The following BCAR3 variants were observed in gnomAD, a reference collection of about 807,000 sequenced individuals.
BCAR3 encodes BCAR3 adaptor protein, NSP family member, also known as breast cancer anti-estrogen resistance protein 3.
A neutral mutation model predicts 80.1 loss-of-function variants in BCAR3; 37 were observed. That is an observed-to-expected ratio of 0.46 (90% CI 0.36 to 0.61). The LOEUF is 0.61. Ranked by LOEUF, BCAR3 falls within the 20% of genes least tolerant of loss-of-function variation. The pLI is 0.00. For missense variants in BCAR3, 978 were observed against 1,068.2 expected, an observed-to-expected ratio of 0.92 and a Z score of 1.18; for synonymous variants, 389 against 418.9, an observed-to-expected ratio of 0.93 and a Z score of 0.87.
chr1:93,702,371 C>CT (rs1259948288), intron 3 of BCAR3, among the ~76,000 whole-genome samples: 1 of 152,208 alleles, frequency 6.6e-6, no homozygotes. Context: ...TAAAAACAAC[C>CT]TCAGCCCAAC....
At chr1:93,827,464 C>T (rs953509914) in intron 2 of BCAR3, among the ~76,000 whole-genome samples, 3 of 152,084 alleles carry the variant, frequency 2.0e-5, no homozygotes, top group Non-Finnish European at 4.4e-5. Context: ...CAGCTCCCTC[C>T]GAGAGGGCTG....
At position 93,586,840 on chromosome 1, in the gene BCAR3, G is replaced by A. The variant is rs538728620; in HGVS notation, c.929+2137C>T. Among the ~76,000 whole-genome samples the A allele has an allele frequency of 9.2e-5, 14 of 152,340 alleles. No individual in the cohort carries two copies. The highest frequency in any genetic ancestry group is 2.1e-4 in the Non-Finnish European group (14 of 68,028). On this transcript the variant is annotated intron_variant, in intron 5 of 11. Transcript: ENST00000260502. This position sits in a 1 kb window ranked among gnomAD's most constrained non-coding sequence, Gnocchi z 4.2. Reference sequence around the variant, plus strand: ...TTTCATATGCCTGTTTGCCACTGCAGTGGCATGATCTCGGCTCACTGCCTC... The same window carrying A: ...TTTCATATGCCTGTTTGCCACTGCAATGGCATGATCTCGGCTCACTGCCTC...
intron 2 of BCAR3, among the ~76,000 whole-genome samples, chr1:93,833,637 T>C (rs1161022932): frequency 6.6e-6 from 1 of 152,204 alleles, no homozygotes; most frequent in Non-Finnish European, 1.5e-5. Flanking sequence ...ATTTCTCCTA[T>C]TCACTTTTGC....
chr1:93,827,600 G>A (rs1049135218), intron 2 of BCAR3, among the ~76,000 whole-genome samples: 1 of 152,130 alleles, frequency 6.6e-6, no homozygotes, highest in Non-Finnish European at 1.5e-5. Flanking sequence ...AGTCCAGAGA[G>A]GCTGAGTTAC....
intron 3 of BCAR3, among the ~76,000 whole-genome samples, chr1:93,604,778 G>A (rs1004768397): frequency 6.6e-6 from 1 of 152,182 alleles, no homozygotes; most frequent in Non-Finnish European, 1.5e-5. Context: ...AAAACTTCGG[G>A]TAGAATTCTA....
In BCAR3 at chr1:93,823,698, G is replaced by T. The variant is rs544950961; in HGVS notation, c.-63+21869C>A. On this transcript the variant is annotated intron_variant, in intron 2 of 13. Coordinates refer to the BCAR3 transcript ENST00000370244. ...ATAGAAAAGTATCTCATTGTTTTTT[G>T]TTGTTGTTGTTATTATTTTTTGAGA... Among the ~76,000 whole-genome samples the T allele has an allele frequency of 7.4e-4, 99 of 133,854 alleles. 27 individuals are homozygous for T. The highest frequency in any genetic ancestry group is 7.8e-3 in the Middle Eastern group (2 of 256). The allele number at this position is 133,854 out of a possible 152,430, so 87.8% of individuals were successfully genotyped here.
chr1:93,723,271 C>T (rs1400063387), intron 2 of BCAR3: 3 of 152,278 alleles, frequency 2.0e-5, no homozygotes, highest in Non-Finnish European at 2.9e-5. Flanking sequence ...GGCCGAGCTG[C>T]CCTGTTGGCA....
At position 93,743,601 on chromosome 1, in the gene BCAR3, G is replaced by A. The variant is rs531346523; in HGVS notation, c.-62-37459C>T. Among the ~76,000 whole-genome samples, 4 of 152,318 alleles carry A rather than the reference G, an allele frequency of 2.6e-5. No homozygotes were observed. The South Asian group carries it at 8.3e-4, about 32-fold the overall frequency. ...AAGCGCTGATATGGTTTTTCCTTGA[G>A]ACACCTGTCTAATTTGGATCTAAGC... is the stretch of plus-strand genomic sequence containing the variant. On this transcript the variant is annotated intron_variant, in intron 2 of 13. Coordinates refer to the BCAR3 transcript ENST00000370244.
At chr1:93,618,928 T>A (rs546672878) in intron 3 of BCAR3, among the ~76,000 whole-genome samples, 7 of 151,052 alleles carry the variant, frequency 4.6e-5, no homozygotes, top group African/African-American at 1.7e-4. Context: ...CCGTGGGTTT[T>A]TTTTTTTTTT....
intron 3 of BCAR3, among the ~76,000 whole-genome samples, chr1:93,695,291 G>A (rs1339819941): frequency 1.3e-5 from 2 of 152,036 alleles, no homozygotes; most frequent in Non-Finnish European, 2.9e-5. Flanking sequence ...CAACCCTGCA[G>A]GCCCACCCCA....
chr1:93,769,143 G>T (rs115486348), intron 2 of BCAR3, among the ~76,000 whole-genome samples: 1 of 152,100 alleles, frequency 6.6e-6, no homozygotes, highest in Non-Finnish European at 1.5e-5. Flanking sequence ...ATAACTTCCC[G>T]AAAAGCACAG....
At chr1:93,743,902 T>C (rs2100699264) in intron 2 of BCAR3, among the ~76,000 whole-genome samples, 1 of 152,324 alleles carries the variant, frequency 6.6e-6, no homozygotes, top group Non-Finnish European at 1.5e-5. Context: ...GTGCCAACAG[T>C]ATGATATCAC....
At chr1:93,748,006 C>T (rs528463300) in intron 2 of BCAR3, among the ~76,000 whole-genome samples, 1 of 147,978 alleles carries the variant, frequency 6.8e-6, no homozygotes, top group African/African-American at 2.7e-5. Flanking sequence ...AGGCCCTCAC[C>T]TTTAGTGAGT....
At chr1:93,834,329 C>A (rs964653640) in intron 2 of BCAR3, among the ~76,000 whole-genome samples, 1 of 152,110 alleles carries the variant, frequency 6.6e-6, no homozygotes, top group Non-Finnish European at 1.5e-5. Context: ...TGGTGCCAAA[C>A]CCATATACTC....
intron 2 of BCAR3, among the ~76,000 whole-genome samples, chr1:93,662,324 G>A (rs939333968): frequency 2.0e-5 from 3 of 152,112 alleles, no homozygotes; most frequent in South Asian, 4.1e-4. Context: ...AATATTTTTC[G>A]TGTGTGGCTG....
At chr1:93,608,199 T>C (rs912386649) in intron 3 of BCAR3, among the ~76,000 whole-genome samples, 2 of 152,032 alleles carry the variant, frequency 1.3e-5, no homozygotes, top group African/African-American at 2.4e-5. Flanking sequence ...GACAGAAAAA[T>C]AGGCCATAAG....
At chr1:93,579,271 A>G (rs1673600996) in intron 7 of BCAR3, among the ~76,000 whole-genome samples, 1 of 152,212 alleles carries the variant, frequency 6.6e-6, no homozygotes, top group South Asian at 2.1e-4. Context: ...TGCACTTGGG[A>G]TAGGAAACAA....
intron 2 of BCAR3, among the ~76,000 whole-genome samples, chr1:93,768,895 G>T (rs1652252375): frequency 6.6e-6 from 1 of 152,168 alleles, no homozygotes. Context: ...TAGGTCACCC[G>T]AGGGGACTGA....
chr1:93,587,052 G>A (rs1472724590), intron 5 of BCAR3, among the ~76,000 whole-genome samples: 1 of 152,232 alleles, frequency 6.6e-6, no homozygotes, highest in African/African-American at 2.4e-5. Flanking sequence ...TGGGATTACA[G>A]GCGTGAGCCA....
Sources: allele counts gnomAD v4.1 joint callset (sites outside exome capture counted in the v4.1 genomes callset), GRCh38; gene constraint gnomAD v4.1.1; non-coding constraint Gnocchi (gnomAD v3.1); transcripts MANE v1.5; gene names NCBI Gene and HGNC (gene_info 2026-07-23, HGNC 2026-07-21).